BACE2: variants seen among roughly 807,000 people sequenced by gnomAD.
BACE2 encodes the protein beta-secretase 2.
In BACE2, 17 loss-of-function variants were observed where a neutral mutation model predicts 46.2. The observed-to-expected ratio is 0.37, with a 90% CI of 0.25 to 0.55. The LOEUF is 0.55. Ranked by LOEUF, BACE2 falls within the 20% of genes least tolerant of loss-of-function variation. BACE2 has a pLI of 0.82. For missense variants in BACE2, 595 were observed against 698.1 expected (o/e 0.85, Z 1.66); for synonymous variants, 277 against 295.9 (o/e 0.94, Z 0.66).
At chr21:41,179,126 G>T in intron 1 of BACE2, 1 of 1,235,560 alleles carries the variant, frequency 8.1e-7, no homozygotes, top group Non-Finnish European at 1.1e-6. Flanking sequence ...GGTGAGGAGT[G>T]AGGGTGTCAG....
intron 2 of BACE2, among the ~76,000 whole-genome samples, chr21:41,232,188 G>A (rs1986984782): frequency 6.6e-6 from 1 of 152,090 alleles, no homozygotes; most frequent in South Asian, 2.1e-4. Context: ...CCAGCGTATT[G>A]GGCAGGATAT....
chr21:41,191,576 C>T (rs922642645), intron 1 of BACE2, among the ~76,000 whole-genome samples: 1 of 152,134 alleles, frequency 6.6e-6, no homozygotes, highest in East Asian at 1.9e-4. Context: ...GCTGATCACC[C>T]CTAGAAATGG....
Position 41,275,716 on chromosome 21 carries a change from T to C in BACE2, c.*92T>C. The C allele has an allele frequency of 6.8e-7, 1 of 1,477,300 alleles. No individual in the cohort carries two copies. Among genetic ancestry groups the C allele is most frequent in the Admixed American group, 1.9e-5 (1 of 52,968 alleles). The allele number at this position is 1,477,300 out of a possible 1,614,324, so 91.5% of individuals were successfully genotyped here. A position where few individuals can be genotyped will look rare whatever the true frequency, so the allele number is the denominator to read the frequency against. On this transcript the variant is annotated 3_prime_UTR_variant, in exon 9 of 9. Transcript: ENST00000330333. ...AGCCGGGATCGATGGTGGCGCTTTC[T>C]CCTGTGCCCACCCGTCTTCAATCTC...
At chr21:41,176,151 T>C (rs2123488232) in intron 1 of BACE2, 1 of 152,358 alleles carries the variant, frequency 6.6e-6, no homozygotes, top group South Asian at 2.1e-4. Flanking sequence ...TCTATTTCAT[T>C]TGAGAGAATC....
At chr21:41,258,571 A>C (rs1460752186) in intron 8 of BACE2, among the ~76,000 whole-genome samples, 1 of 152,236 alleles carries the variant, frequency 6.6e-6, no homozygotes, top group Non-Finnish European at 1.5e-5. Flanking sequence ...GACTCCTGGT[A>C]AATAAAGCAG....
chr21:41,177,683 T>C (rs1179005890), intron 1 of BACE2: 1 of 152,178 alleles, frequency 6.6e-6, no homozygotes, highest in Non-Finnish European at 1.5e-5. Flanking sequence ...GTGGTAAGTG[T>C]TCCATAAATC....
chr21:41,217,246 T>C (rs1165825327), intron 1 of BACE2, among the ~76,000 whole-genome samples: 2 of 152,204 alleles, frequency 1.3e-5, no homozygotes, highest in Non-Finnish European at 2.9e-5. Context: ...GAGCTGTTCT[T>C]ATCTGTGACT....
intron 1 of BACE2, among the ~76,000 whole-genome samples, chr21:41,172,914 C>T (rs1219551271): frequency 1.3e-5 from 2 of 152,206 alleles, no homozygotes; most frequent in Non-Finnish European, 2.9e-5. Context: ...ATCCTTCCTT[C>T]CCTCTTCTTA....
intron 1 of BACE2, among the ~76,000 whole-genome samples, chr21:41,174,165 A>G (rs1429343066): frequency 5.5e-5 from 2 of 36,152 alleles, no homozygotes; most frequent in South Asian, 1.3e-3. Flanking sequence ...TTTTTTTTTT[A>G]AACAGTCTCG....
Position 41,179,846 on chromosome 21 carries a change from G to C in BACE2, c.312+11271G>C, listed in dbSNP as rs1017640396. On this transcript the variant is annotated intron_variant, in intron 1 of 8. Transcript: ENST00000330333. ...TCTCCAGAAATGTCCCTGACACATG[G>C]ATGTAAGTGTGGCTAGTTTACTGGG... 4 of 405,068 alleles carry C rather than the reference G, an allele frequency of 9.9e-6. 1 individual carries two copies. Among genetic ancestry groups the C allele is most frequent in the Non-Finnish European group, 1.9e-5 (4 of 207,850 alleles). The allele number at this position is 405,068 out of a possible 1,614,324, so 25.1% of individuals were successfully genotyped here. A position where few individuals can be genotyped will look rare whatever the true frequency, so the allele number is the denominator to read the frequency against.
chr21:41,189,409 T>C (rs968430145), intron 1 of BACE2, among the ~76,000 whole-genome samples: 1 of 152,248 alleles, frequency 6.6e-6, no homozygotes, highest in Admixed American at 6.5e-5. Flanking sequence ...ATTTTAGTTT[T>C]CAGGATCACT....
chr21:41,180,591 T>A (rs1985083653), intron 1 of BACE2: 1 of 167,000 alleles, frequency 6.0e-6, no homozygotes, highest in Admixed American at 6.5e-5. Context: ...ACACAAACTT[T>A]ACTAAGAGGT....
At chr21:41,238,872 G>A (rs1187352827) in intron 3 of BACE2, among the ~76,000 whole-genome samples, 19 of 148,136 alleles carry the variant, frequency 1.3e-4, no homozygotes, top group African/African-American at 4.3e-4. Context: ...GTTAGTGGGC[G>A]CAGCGCACCA....
At chr21:41,234,213 A>G (rs369417439) in intron 2 of BACE2, among the ~76,000 whole-genome samples, 2 of 152,214 alleles carry the variant, frequency 1.3e-5, no homozygotes, top group East Asian at 3.9e-4. Context: ...TCCCTTCCCC[A>G]TGTAAGACAT....
intron 1 of BACE2, among the ~76,000 whole-genome samples, chr21:41,215,746 T>A (rs1272075009): frequency 6.6e-6 from 1 of 152,232 alleles, no homozygotes; most frequent in African/African-American, 2.4e-5. Context: ...TCCTCAGATG[T>A]AAAGTGGGGA....
At chr21:41,213,746 C>G (rs1986370690) in intron 1 of BACE2, among the ~76,000 whole-genome samples, 1 of 151,890 alleles carries the variant, frequency 6.6e-6, no homozygotes. Flanking sequence ...TGCATGCCAG[C>G]CTGGGTGACA....
At chr21:41,221,954 G>A (rs1271800484) in intron 1 of BACE2, among the ~76,000 whole-genome samples, 1 of 152,240 alleles carries the variant, frequency 6.6e-6, no homozygotes, top group Non-Finnish European at 1.5e-5. Context: ...ACGCTGGTGG[G>A]GCGGAGGCAG....
chr21:41,251,926 G>A (rs563404921), intron 7 of BACE2, among the ~76,000 whole-genome samples: 11 of 152,120 alleles, frequency 7.2e-5, no homozygotes, highest in Admixed American at 3.3e-4. Context: ...TATCCTACAC[G>A]TCTAATGAAA....
chr21:41,232,937 C>T (rs569396364), intron 2 of BACE2, among the ~76,000 whole-genome samples: 5 of 146,696 alleles, frequency 3.4e-5, no homozygotes, highest in South Asian at 2.2e-4. Flanking sequence ...GGCACGATAT[C>T]GGCTCACTGC....
Sources: allele counts gnomAD v4.1 joint callset (sites outside exome capture counted in the v4.1 genomes callset), GRCh38; gene constraint gnomAD v4.1.1; transcripts MANE v1.5; gene names NCBI Gene and HGNC (gene_info 2026-07-23, HGNC 2026-07-21).